The following KDM4B variants were observed in gnomAD, a reference collection of about 807,000 sequenced individuals.
KDM4B encodes the protein lysine-specific demethylase 4B.
KDM4B carries 32 observed loss-of-function variants against 125.2 expected under a neutral mutation model. The ratio of observed to expected loss-of-function variants is 0.26; its 90% CI spans 0.19 to 0.34. KDM4B has a LOEUF of 0.34. KDM4B is among the 10% of genes least tolerant of loss of function. KDM4B has a pLI of 1.00. For synonymous variants in KDM4B, 721 were observed against 677.9 expected (o/e 1.06, Z -0.99); for missense variants, 1,190 against 1,577.7 (o/e 0.75, Z 4.16).
At chr19:5,041,039 G>A (rs933428596) in intron 4 of KDM4B, 98 bp from the exon 5 acceptor site, 15 of 732,738 alleles carry the variant, frequency 2.0e-5, no homozygotes, top group East Asian at 1.4e-4. Flanking sequence ...AGCCCCTCCC[G>A]CCTCTTTCAT....
chr19:4,977,832 C>T (rs911654927), intron 1 of KDM4B, among the ~76,000 whole-genome samples: 1 of 152,144 alleles, frequency 6.6e-6, no homozygotes, highest in Admixed American at 6.6e-5. Flanking sequence ...TTGGGGACAG[C>T]CCTTGACACT....
intron 5 of KDM4B, among the ~76,000 whole-genome samples, chr19:5,041,601 G>T (rs954804874): frequency 6.6e-6 from 1 of 152,192 alleles, no homozygotes; most frequent in Non-Finnish European, 1.5e-5. Context: ...TCCTCAGCCC[G>T]CCAGGCCACC....
At chr19:5,096,495 C>T (rs909431518) in intron 9 of KDM4B, among the ~76,000 whole-genome samples, 3 of 152,188 alleles carry the variant, frequency 2.0e-5, no homozygotes, top group African/African-American at 7.2e-5. Context: ...TTGGGCAACC[C>T]CTGGGGTTCC....
chr19:5,149,333 G>A (rs574272114), intron 21 of KDM4B, among the ~76,000 whole-genome samples: 62 of 152,230 alleles, frequency 4.1e-4, no homozygotes, highest in Non-Finnish European at 7.6e-4. Flanking sequence ...TCTTATGTGT[G>A]CATTTTGTTC....
At chr19:4,985,075 C>T (rs886738963) in intron 1 of KDM4B, among the ~76,000 whole-genome samples, 10 of 152,154 alleles carry the variant, frequency 6.6e-5, no homozygotes, top group Non-Finnish European at 1.5e-5. Context: ...GTAATCCTAG[C>T]ACTTTGGGAG....
In KDM4B at chr19:4,997,497, G is replaced by T. The variant is rs1242463960; in HGVS notation, c.-108-18760G>T. Among the ~76,000 whole-genome samples, 1 of 152,152 alleles carries T rather than the reference G, an allele frequency of 6.6e-6. No homozygotes were observed. Among genetic ancestry groups the T allele is most frequent in the East Asian group, 1.9e-4 (1 of 5,188 alleles). On this transcript the variant is annotated intron_variant, in intron 1 of 22. Transcript: ENST00000159111. This position sits in a 1 kb window ranked among gnomAD's most constrained non-coding sequence, Gnocchi z 4.2. ...AGCCGGCTGGGCCTGCGTACCCAGT[G>T]GGTGGCGCTCAGGTCTGCAGCTGCC...
chr19:5,031,992 C>T (rs1422489817), intron 2 of KDM4B, among the ~76,000 whole-genome samples: 1 of 152,198 alleles, frequency 6.6e-6, no homozygotes, highest in Non-Finnish European at 1.5e-5. Flanking sequence ...TTTCCGAATC[C>T]TAGAGGGATT....
At chr19:5,123,860 G>A (rs904013113) in intron 11 of KDM4B, among the ~76,000 whole-genome samples, 2 of 152,188 alleles carry the variant, frequency 1.3e-5, no homozygotes, top group Non-Finnish European at 2.9e-5. Flanking sequence ...AGGCGAGGTC[G>A]GCAGGGGAGT....
Position 5,137,276 on chromosome 19 carries a change from C to T in KDM4B, c.2323C>T (p.Arg775Cys), listed in dbSNP as rs868455180. 3 of 1,576,596 alleles carry T rather than the reference C, an allele frequency of 1.9e-6. No homozygotes were observed. The highest frequency in any genetic ancestry group is 2.6e-6 in the Non-Finnish European group (3 of 1,161,260). The change falls in exon 16 of 23, where the codon CGT becomes TGT. Residue 775 changes from arginine (R) to cysteine (C), a missense_variant. Arg to Cys is a radical substitution (Grantham distance 180). Transcript: ENST00000159111. Reference protein sequence around the residue: ...LQVHASCYGIRPELVNEGWTC... With the variant: ...LQVHASCYGICPELVNEGWTC... The stretch of plus-strand genomic sequence containing the variant: ...CTGTCTTCCAGGTTGCTATGGCATC[C>T]GTCCCGAGCTGGTCAATGAAGGCTG...
chr19:5,137,909 A>T, intron 17 of KDM4B, 53 bp from the exon 18 acceptor site: 1 of 1,472,710 alleles, frequency 6.8e-7, no homozygotes, highest in Non-Finnish European at 9.4e-7. Flanking sequence ...CCCCTCTGTG[A>T]CCAGCCCAGG....
rs183172177 is a variant in KDM4B, at chr19:5,135,152, T to G, written c.2086-187T>G. Among the ~76,000 whole-genome samples, 523 of 152,272 alleles carry G rather than the reference T, an allele frequency of 3.4e-3. 5 individuals are homozygous for G. The highest frequency in any genetic ancestry group is 0.012 in the African/African-American group (503 of 41,568). On this transcript the variant is annotated intron_variant, in intron 14 of 22. Transcript: ENST00000159111. ...GGTTGGGGACAGGGTCAGACAGTGT[T>G]TGGGGATCCTGACTTTCTGGAGGAG...
chr19:5,067,160 C>T (rs557640141), intron 6 of KDM4B, among the ~76,000 whole-genome samples: 3 of 152,254 alleles, frequency 2.0e-5, no homozygotes, highest in East Asian at 3.9e-4. Flanking sequence ...CCAGACATAC[C>T]CCAGGGCACC....
intron 2 of KDM4B, among the ~76,000 whole-genome samples, chr19:5,032,622 G>A (rs1360592973): frequency 3.3e-5 from 5 of 152,136 alleles, no homozygotes; most frequent in East Asian, 1.9e-4. Flanking sequence ...GTGTCGCCTC[G>A]GCCTTAGAAA....
chr19:5,087,187 A>G (rs759236325), intron 9 of KDM4B, among the ~76,000 whole-genome samples: 2 of 152,240 alleles, frequency 1.3e-5, no homozygotes, highest in African/African-American at 2.4e-5. Context: ...CACGGAGGCC[A>G]TTGTCAAGGA....
chr19:5,040,103 C>A, intron 4 of KDM4B, 92 bp downstream of exon 4: 3 of 1,318,120 alleles, frequency 2.3e-6, no homozygotes, highest in Non-Finnish European at 3.1e-6. Context: ...GCGGTACACG[C>A]AGCCCCCACA....
Position 5,082,220 on chromosome 19 carries a change from C to A in KDM4B, c.781-147C>A. On this transcript the variant is annotated intron_variant, in intron 8 of 22. Coordinates refer to ENST00000159111, the MANE Select transcript of KDM4B (RefSeq NM_015015.3). This position sits in a 1 kb window ranked among gnomAD's most constrained non-coding sequence, Gnocchi z 5.4. ...GGAAATGGGCTGGAGCCCTGGAGCC[C>A]CTGGAGCCGCTGGATCACCTTTGAC... The A allele has an allele frequency of 1.1e-6, 1 of 881,112 alleles. No individual in the cohort carries two copies. The highest frequency in any genetic ancestry group is 1.7e-6 in the Non-Finnish European group (1 of 589,418). 54.6% of individuals were successfully genotyped at this position (881,112 alleles called of 1,614,324 possible).
At chr19:4,979,054 G>A (rs1459428262) in intron 1 of KDM4B, among the ~76,000 whole-genome samples, 1 of 152,190 alleles carries the variant, frequency 6.6e-6, no homozygotes, top group East Asian at 1.9e-4. Context: ...AGGCTGAGGT[G>A]GGAGGATCGG....
intron 21 of KDM4B, among the ~76,000 whole-genome samples, chr19:5,149,228 A>G (rs1041173299): frequency 3.9e-5 from 6 of 152,248 alleles, no homozygotes; most frequent in African/African-American, 1.4e-4. Context: ...TGGGGCGTCT[A>G]GCCCCAGACA....
chr19:5,012,762 T>A (rs536393327), intron 1 of KDM4B, among the ~76,000 whole-genome samples: 1 of 152,314 alleles, frequency 6.6e-6, no homozygotes, highest in East Asian at 1.9e-4. Flanking sequence ...ATCAGCAGGA[T>A]GGGGTTGGAG....
Sources: allele counts gnomAD v4.1 joint callset (sites outside exome capture counted in the v4.1 genomes callset), GRCh38; gene constraint gnomAD v4.1.1; non-coding constraint Gnocchi (gnomAD v3.1); transcripts MANE v1.5; gene names NCBI Gene and HGNC (gene_info 2026-07-23, HGNC 2026-07-21).